PRICKLE2: variants seen among roughly 807,000 people sequenced by gnomAD.
PRICKLE2 encodes the protein prickle planar cell polarity protein 2.
PRICKLE2 carries 21 observed loss-of-function variants against 81.4 expected under a neutral mutation model. That is an observed-to-expected ratio of 0.26 (90% CI 0.18 to 0.37). The LOEUF is 0.37. Among genes scored for constraint, PRICKLE2 ranks in the 10% least tolerant of loss-of-function variants. The pLI is 1.00. For synonymous variants in PRICKLE2, 456 were observed against 421.5 expected (o/e 1.08, Z -1.00); for missense variants, 940 against 1,109.0 (o/e 0.85, Z 2.16).
At chr3:64,155,910 C>T (rs2077628944) in intron 5 of PRICKLE2, among the ~76,000 whole-genome samples, 1 of 151,994 alleles carries the variant, frequency 6.6e-6, no homozygotes, top group African/African-American at 2.4e-5. Context: ...AAGAGTTTCT[C>T]TTTAGTTGAT....
intron 2 of PRICKLE2, among the ~76,000 whole-genome samples, chr3:64,164,418 T>C (rs770356991): frequency 4.6e-5 from 7 of 152,154 alleles, no homozygotes; most frequent in Non-Finnish European, 1.0e-4. Flanking sequence ...TTCCTTTGCA[T>C]TTAGGGAGCC....
upstream of PRICKLE2, among the ~76,000 whole-genome samples, chr3:64,227,592 A>G (rs531723252): frequency 7.6e-4 from 116 of 152,292 alleles, no homozygotes; most frequent in African/African-American, 2.7e-3. Flanking sequence ...ACATCATAAC[A>G]TGGAGTCTAA....
At chr3:64,207,032 T>C (rs778953140) in intron 1 of PRICKLE2, among the ~76,000 whole-genome samples, 89 of 152,254 alleles carry the variant, frequency 5.8e-4, no homozygotes, top group Non-Finnish European at 1.1e-3. Context: ...CCTGAGAAGC[T>C]GGGACTAAAG....
intron 2 of PRICKLE2, among the ~76,000 whole-genome samples, chr3:64,260,735 C>T (rs968007025): frequency 2.6e-5 from 4 of 152,152 alleles, no homozygotes; most frequent in Non-Finnish European, 5.9e-5. Flanking sequence ...TAGTACTCCA[C>T]CAATAACATT....
chr3:64,239,526 C>T (rs1400718249), intron 2 of PRICKLE2, among the ~76,000 whole-genome samples: 9 of 152,134 alleles, frequency 5.9e-5, no homozygotes, highest in South Asian at 2.1e-4. Flanking sequence ...ACAGACATTC[C>T]GAAGGCCTGT....
In PRICKLE2 at chr3:64,234,535, G is replaced by C. The variant is rs927762665; in HGVS notation, c.129-35568C>G. ...GTGTTAAAATTAGTAAGTTATAAAA[G>C]TTCCTTGTATATTCTGGGAACATGT... is the stretch of plus-strand genomic sequence containing the variant. On this transcript the variant is annotated intron_variant, in intron 2 of 8. Coordinates refer to the PRICKLE2 transcript ENST00000295902. Among the ~76,000 whole-genome samples the C allele has an allele frequency of 1.4e-4, 22 of 152,094 alleles. 1 individual carries two copies. The highest frequency in any genetic ancestry group is 1.4e-3 in the Admixed American group (22 of 15,266).
chr3:64,242,934 C>T (rs1052141862), intron 2 of PRICKLE2, among the ~76,000 whole-genome samples: 2 of 152,180 alleles, frequency 1.3e-5, no homozygotes, highest in African/African-American at 4.8e-5. Flanking sequence ...TCCTAGTCAT[C>T]CCAAGACAGA....
chr3:64,235,529 G>A (rs1246352683), intron 2 of PRICKLE2, among the ~76,000 whole-genome samples: 3 of 152,124 alleles, frequency 2.0e-5, no homozygotes, highest in African/African-American at 7.2e-5. Flanking sequence ...CCACCACCCT[G>A]CCCCCCTTCT....
chr3:64,162,529 G>A lies in PRICKLE2; in HGVS notation c.258+487C>T, dbSNP rs141471666. Among the ~76,000 whole-genome samples the A allele has an allele frequency of 3.8e-4, 58 of 152,280 alleles. 1 individual carries two copies. The East Asian group carries it at 0.011, about 28-fold the overall frequency. On this transcript the variant is annotated intron_variant, in intron 3 of 7. Coordinates refer to ENST00000638394, the MANE Select transcript of PRICKLE2 (RefSeq NM_198859.4). ...ACTTCACCATGACAAAAACACAGAC[G>A]TTCGAAGCTACAAATCTGGACATGT...
chr3:64,214,294 C>A (rs780166533), intron 1 of PRICKLE2, among the ~76,000 whole-genome samples: 1 of 152,138 alleles, frequency 6.6e-6, no homozygotes, highest in African/African-American at 2.4e-5. Context: ...AGGCTCCGGA[C>A]GACCCCAGTG....
intron 2 of PRICKLE2, 89 bp downstream of exon 2, chr3:64,198,695 T>G: frequency 7.1e-7 from 1 of 1,403,840 alleles, no homozygotes; most frequent in Non-Finnish European, 1.0e-6. Flanking sequence ...CAGCAAAGTC[T>G]ACTCTTCCTA....
At chr3:64,141,729 C>G (rs1290978562) in intron 7 of PRICKLE2, 1 of 845,182 alleles carries the variant, frequency 1.2e-6, no homozygotes, top group Non-Finnish European at 1.4e-6. Flanking sequence ...GGCTGACAAG[C>G]CAGTGCAGCT....
chr3:64,121,910 C>G (rs1199859095), intron 7 of PRICKLE2, among the ~76,000 whole-genome samples: 1 of 152,208 alleles, frequency 6.6e-6, no homozygotes, highest in African/African-American at 2.4e-5. Flanking sequence ...AATCACTTCT[C>G]TCCTCTGAAC....
intron 2 of PRICKLE2, among the ~76,000 whole-genome samples, chr3:64,258,837 AAAAAAAAAAAAGAAAGAAAGAAAGAAAG>A (rs1347195271): frequency 0.011 from 591 of 55,774 alleles, 7 homozygotes; most frequent in African/African-American, 0.032. Context: ...AAAAAAAAAA[AAAAAAAAAAAAGAAAGAAAGAAAGAAAG>A]AAAGAAAGAA....
intron 1 of PRICKLE2, among the ~76,000 whole-genome samples, chr3:64,214,720 T>C (rs1336125666): frequency 6.6e-6 from 1 of 152,144 alleles, no homozygotes; most frequent in Non-Finnish European, 1.5e-5. Flanking sequence ...TTTGAAAATA[T>C]TAAAAAATTT....
chr3:64,185,293 C>G (rs139030533), intron 2 of PRICKLE2, among the ~76,000 whole-genome samples: 14 of 152,160 alleles, frequency 9.2e-5, no homozygotes, highest in Admixed American at 5.2e-4. Context: ...ACAGACCCCC[C>G]CTAGATTGCT....
chr3:64,250,207 G>T (rs1431427994), intron 2 of PRICKLE2, among the ~76,000 whole-genome samples: 1 of 152,104 alleles, frequency 6.6e-6, no homozygotes, highest in Admixed American at 6.5e-5. Flanking sequence ...GTTAGATCTG[G>T]GTTTCTCAAC....
At chr3:64,263,433 G>C (rs926112324) in intron 2 of PRICKLE2, among the ~76,000 whole-genome samples, 7 of 152,160 alleles carry the variant, frequency 4.6e-5, no homozygotes, top group African/African-American at 1.7e-4. Context: ...GGAGAAATCA[G>C]GTCAGGCCAA....
At chr3:64,157,046 C>A in intron 5 of PRICKLE2, 116 bp downstream of exon 5, 2 of 970,846 alleles carry the variant, frequency 2.1e-6, no homozygotes, top group South Asian at 2.7e-5. Context: ...AGGGTTAATG[C>A]AAGAAAATGA....
Sources: gnomAD v4.1 joint callset for allele counts (sites outside exome capture counted in the v4.1 genomes callset) on GRCh38, gnomAD v4.1.1 for gene constraint, MANE v1.5 for transcripts, NCBI Gene and HGNC (gene_info 2026-07-23, HGNC 2026-07-21) for gene names.